The following AKAP8L variants were observed in gnomAD, a reference collection of about 807,000 sequenced individuals.
AKAP8L encodes the protein A-kinase anchoring protein 8 like.
In AKAP8L, 34 loss-of-function variants were observed where a neutral mutation model predicts 77.5. That is an observed-to-expected ratio of 0.44 (90% CI 0.33 to 0.58). The LOEUF is 0.58. Among genes scored for constraint, AKAP8L ranks in the 20% least tolerant of loss-of-function variants. The pLI is 0.02. For missense variants in AKAP8L, 806 were observed against 887.6 expected (o/e 0.91, Z 1.17); for synonymous variants, 342 against 340.7 (o/e 1.00, Z -0.04).
intron 2 of AKAP8L, chr19:15,404,317 A>G (rs559003763): frequency 6.8e-6 from 3 of 442,112 alleles, no homozygotes; most frequent in Non-Finnish European, 1.2e-5. Context: ...CCTCCCTTTA[A>G]GAGCCAGAAT....
Position 15,399,520 on chromosome 19 carries a change from T to C in AKAP8L, c.1049-110A>G, listed in dbSNP as rs542322448. The C allele has an allele frequency of 4.9e-6, 4 of 812,312 alleles. No individual in the cohort carries two copies. The highest frequency in any genetic ancestry group is 3.8e-5 in the Admixed American group (2 of 52,046). The allele number at this position is 812,312 out of a possible 1,614,324, so 50.3% of individuals were successfully genotyped here. On this transcript the variant is annotated intron_variant, in intron 8 of 13. Transcript: ENST00000397410. This position sits in a 1 kb window ranked among gnomAD's most constrained non-coding sequence, Gnocchi z 6.1. Reference sequence around the variant, plus strand: ...TCCACTCCAGAGGGTCCATCGAGAATAGCTGTCCAAGCAAGGCCTCTGGCC... The same window carrying C: ...TCCACTCCAGAGGGTCCATCGAGAACAGCTGTCCAAGCAAGGCCTCTGGCC...
At chr19:15,387,156 G>A (rs1322182073) in intron 12 of AKAP8L, among the ~76,000 whole-genome samples, 1 of 152,230 alleles carries the variant, frequency 6.6e-6, no homozygotes, top group Non-Finnish European at 1.5e-5. Flanking sequence ...GAGGTCCCAT[G>A]CCAGGAAAGG....
chr19:15,403,180 G>A lies in AKAP8L; in HGVS notation c.362+295C>T. 1 of 444,708 alleles carries A rather than the reference G, an allele frequency of 2.2e-6. No homozygotes were observed. The highest frequency in any genetic ancestry group is 2.2e-5 in the South Asian group (1 of 46,324). 27.5% of individuals were successfully genotyped at this position (444,708 alleles called of 1,614,324 possible). ...CCAAATGGCTGTCCTTGGAGGGAGG[G>A]GTGGCTGAACACTCTGTTTTTGAGG... On this transcript the variant is annotated intron_variant, in intron 4 of 13. Transcript: ENST00000397410. This position sits in a 1 kb window ranked among gnomAD's most constrained non-coding sequence, Gnocchi z 4.3.
chr19:15,386,598 C>T (rs781550919), intron 12 of AKAP8L, among the ~76,000 whole-genome samples: 4 of 152,134 alleles, frequency 2.6e-5, no homozygotes, highest in East Asian at 1.9e-4. Flanking sequence ...CAGGTCTGCC[C>T]GCATCTACCC....
At chr19:15,406,130 C>T (rs139520039) in intron 2 of AKAP8L, among the ~76,000 whole-genome samples, 122 of 152,162 alleles carry the variant, frequency 8.0e-4, no homozygotes, top group African/African-American at 2.6e-3. Context: ...GGGCCTCCCA[C>T]GATGGGCAAC....
intron 1 of AKAP8L, among the ~76,000 whole-genome samples, chr19:15,417,301 C>T (rs1390509484): frequency 1.3e-5 from 2 of 152,168 alleles, no homozygotes; most frequent in African/African-American, 4.8e-5. Flanking sequence ...AATTATATTC[C>T]AATCCCAGGG....
chr19:15,413,616 A>G (rs1047816755), intron 1 of AKAP8L, among the ~76,000 whole-genome samples: 13 of 152,210 alleles, frequency 8.5e-5, no homozygotes, highest in African/African-American at 3.1e-4. Context: ...GCTGTCCATA[A>G]GAAACACTGA....
rs769427887 is a variant in AKAP8L at position 15,380,424 on chromosome 19, T to G, written c.1639A>C (p.Asn547His). The change falls in exon 14 of 14, where the codon AAC becomes CAC. Residue 547 changes from asparagine to histidine, a missense_variant. Around this residue, in one of 2 missense-constraint regions of AKAP8L, gnomAD observed 226 missense variants for 193.5 expected, o/e 1.17. Coordinates refer to ENST00000397410, the MANE Select transcript of AKAP8L (RefSeq NM_014371.4). The part of the protein sequence containing the change: ...KKLERYLKGE[N>H]PFTDSPEEEK... ...TCCTCGGGGCTGTCGGTGAAAGGGT[T>G]CTCGCCCTGTGGGGAGGGGCGCGGA... 1.2e-6 allele frequency: 2 copies of G among 1,604,700 alleles called. No homozygotes were observed. Among genetic ancestry groups the G allele is most frequent in the Non-Finnish European group, 1.7e-6 (2 of 1,176,370 alleles).
At chr19:15,400,655 A>C (rs1022762722) in intron 7 of AKAP8L, 139 bp downstream of exon 7, 28 of 1,114,132 alleles carry the variant, frequency 2.5e-5, no homozygotes, top group Non-Finnish European at 1.3e-5. Context: ...GCTTTCTGCC[A>C]GACCACACTG....
intron 4 of AKAP8L, among the ~76,000 whole-genome samples, chr19:15,402,414 C>T (rs1967918165): frequency 6.6e-6 from 1 of 152,206 alleles, no homozygotes; most frequent in Non-Finnish European, 1.5e-5. Flanking sequence ...ACCTGGGCCA[C>T]CAAGAGGCAC....
In AKAP8L at chr19:15,410,535, G is replaced by C; in HGVS notation, c.73C>G (p.Pro25Ala). The C allele has an allele frequency of 6.3e-7, 1 of 1,585,098 alleles. No homozygotes were observed. Among genetic ancestry groups the C allele is most frequent in the Non-Finnish European group, 8.6e-7 (1 of 1,165,490 alleles). ...QSTYSDTSAQ[P>A]TCDYGYGTWN... ...CCACACTTACCATAATCACAGGTGG[G>C]CTGAGCGCTGGTATCCGAGTATGTC... is the stretch of plus-strand genomic sequence containing the variant. The change falls in exon 2 of 14, where the codon CCC becomes GCC. Residue 25 changes from proline (P) to alanine (A), a missense_variant. Around this residue, in one of 2 missense-constraint regions of AKAP8L, gnomAD observed 580 missense variants for 694.1 expected, o/e 0.84. Transcript: ENST00000397410.
intron 1 of AKAP8L, among the ~76,000 whole-genome samples, chr19:15,413,690 G>A (rs1020396555): frequency 1.3e-5 from 2 of 152,148 alleles, no homozygotes; most frequent in Non-Finnish European, 2.9e-5. Context: ...CAGCCCCTGC[G>A]GTCTCCACTG....
In AKAP8L at chr19:15,380,141, CCCTCCTCGTCGT is replaced by C; in HGVS notation, c.1910_1921del (p.Asp637_Glu640del). On this transcript the variant is annotated inframe_deletion, in exon 14 of 14. Transcript: ENST00000397410. ...CTCGGGTCACGGGGCGCCCCCGCCGCCCTCCTCGTCGTCCTCCACGTCGAGGCCCGGGATGCC... is the reference window on the plus strand; with the variant it reads ...CTCGGGTCACGGGGCGCCCCCGCCGCCCTCCACGTCGAGGCCCGGGATGCC... 13 of 1,499,342 alleles carry C rather than the reference CCCTCCTCGTCGT, an allele frequency of 8.7e-6. No homozygotes were observed. The highest frequency in any genetic ancestry group is 1.5e-5 in the African/African-American group (1 of 68,736). The allele number at this position is 1,499,342 out of a possible 1,614,324, so 92.9% of individuals were successfully genotyped here.
chr19:15,385,920 T>G (rs1215691608), intron 12 of AKAP8L, among the ~76,000 whole-genome samples: 1 of 53,660 alleles, frequency 1.9e-5, no homozygotes, highest in Non-Finnish European at 3.4e-5. Flanking sequence ...TTTTTTTTCT[T>G]TTTTTTTTTT....
In AKAP8L at chr19:15,380,612, G is replaced by A; in HGVS notation, c.1537C>T (p.Leu513Phe). Residue 513 changes from leucine to phenylalanine, a missense_variant and splice_region_variant, in exon 13 of 14, where the codon CTC becomes TTC. By Grantham distance (22) the Leu-to-Phe change is conservative. Coordinates refer to ENST00000397410, the MANE Select transcript of AKAP8L (RefSeq NM_014371.4). ...KTMDHNRNRR[L>F]MMEQSKKSSL... ...GACTTCTTGGACTGCTCCATCATGA[G>A]CTGCGGGCAGGGCAGAAGGAGCTGG... 1 of 1,613,294 alleles carries A rather than the reference G, an allele frequency of 6.2e-7. No individual in the cohort carries two copies. The highest frequency in any genetic ancestry group is 1.1e-5 in the South Asian group (1 of 91,074).
chr19:15,404,195 G>T, intron 2 of AKAP8L, 153 bp from the exon 3 acceptor site: 1 of 681,062 alleles, frequency 1.5e-6, no homozygotes, highest in Non-Finnish European at 2.5e-6. Flanking sequence ...CTGCGCAAAT[G>T]ACCCAGGCCA....
intron 1 of AKAP8L, among the ~76,000 whole-genome samples, chr19:15,412,904 G>A (rs899280995): frequency 1.3e-5 from 2 of 152,188 alleles, no homozygotes; most frequent in African/African-American, 4.8e-5. Context: ...ACCATAAGAG[G>A]CAGTATTTGC....
chr19:15,391,179 G>C (rs188387753), intron 12 of AKAP8L, among the ~76,000 whole-genome samples: 72 of 152,220 alleles, frequency 4.7e-4, no homozygotes, highest in African/African-American at 1.7e-3. Flanking sequence ...CTAAAAACTA[G>C]GTTGGGCACG....
At chr19:15,385,524 A>G (rs1055394892) in intron 12 of AKAP8L, among the ~76,000 whole-genome samples, 1 of 152,174 alleles carries the variant, frequency 6.6e-6, no homozygotes, top group Admixed American at 6.5e-5. Context: ...CATTCCAGAA[A>G]CAAACCTTAC....
Sources: allele counts gnomAD v4.1 joint callset (sites outside exome capture counted in the v4.1 genomes callset), GRCh38; gene constraint gnomAD v4.1.1; regional missense constraint gnomAD v4.1.1; non-coding constraint Gnocchi (gnomAD v3.1); transcripts MANE v1.5; gene names NCBI Gene and HGNC (gene_info 2026-07-23, HGNC 2026-07-21).